MRPL28: variants seen among roughly 807,000 people sequenced by gnomAD.
MRPL28 encodes the protein large ribosomal subunit protein bL28m.
MRPL28 carries 25 observed loss-of-function variants against 26.2 expected under a neutral mutation model. The observed-to-expected ratio is 0.95, with a 90% CI of 0.69 to 1.33. The LOEUF (loss-of-function observed/expected upper bound fraction) is 1.33, where lower values mean the gene tolerates loss of function less well. MRPL28 is among the 40% of genes most tolerant of loss of function. The pLI is 0.00. For synonymous variants in MRPL28, 227 were observed against 140.1 expected (o/e 1.62, Z -4.38); for missense variants, 432 against 327.2 (o/e 1.32, Z -2.47).
At position 369,221 on chromosome 16, in the gene MRPL28, C is replaced by T. The variant is rs1273151529; in HGVS notation, c.289-1G>A. 1 of 1,613,636 alleles carries T rather than the reference C, an allele frequency of 6.2e-7. No individual in the cohort carries two copies. Among genetic ancestry groups the T allele is most frequent in the African/African-American group, 1.3e-5 (1 of 74,926 alleles). ...ACACTTTCTTCAGCCTCTTGGAGAG[C>T]TGAGGGTGCAACAGAGCCTCCATGA... On this transcript the variant is annotated splice_acceptor_variant, in intron 2 of 5. Transcript: ENST00000199706. LOFTEE classifies it high-confidence loss of function.
chr16:369,811 C>T, intron 2 of MRPL28, 120 bp downstream of exon 2: 5 of 1,261,840 alleles, frequency 4.0e-6, no homozygotes, highest in Non-Finnish European at 4.4e-6. Flanking sequence ...GGAGATGTGT[C>T]GCCTCCAGGC....
At position 368,628 on chromosome 16, in the gene MRPL28, T is replaced by C. The variant is rs1388756498; in HGVS notation, c.449A>G (p.Lys150Arg). 8 of 1,556,596 alleles carry C rather than the reference T, an allele frequency of 5.1e-6. No homozygotes were observed. Among genetic ancestry groups the C allele is most frequent in the Non-Finnish European group, 7.0e-6 (8 of 1,148,644 alleles). Residue 150 changes from lysine to arginine, a missense_variant, in exon 4 of 6, where the codon AAG becomes AGG. By Grantham distance (26) the Lys-to-Arg change is conservative. Coordinates refer to ENST00000199706, the MANE Select transcript of MRPL28 (RefSeq NM_006428.5). ...CCCAAACTTGGAGCACAGGTCCTCC[T>C]TCGGGGTCTGGCAGAAGGCTCACAT... ...GLDFYILKTP[K>R]EDLCSKFGMD... is the part of the protein sequence containing the mutation.
chr16:370,148 A>G lies in MRPL28; in HGVS notation c.71T>C (p.Leu24Pro). ...CAGGGAGCGCAGGTAGTGGCCGGGC[A>G]GGCGGGAACAGATGCCCTCCCGCAG... ...LQLREGICSR[L>P]PGHYLRSLEE... The change falls in exon 2 of 6, where the codon CTG (leucine) becomes CCG (proline). Residue 24 changes from leucine to proline, a missense_variant. Physicochemically the swap from Leu to Pro is moderately conservative, Grantham distance 98. Coordinates refer to ENST00000199706, the MANE Select transcript of MRPL28 (RefSeq NM_006428.5). The G allele has an allele frequency of 6.2e-7, 1 of 1,602,806 alleles. No homozygotes were observed. The highest frequency in any genetic ancestry group is 1.7e-5 in the Admixed American group (1 of 58,848).
Position 367,776 on chromosome 16 carries a change from C to T in MRPL28, c.670G>A (p.Val224Ile). The T allele has an allele frequency of 2.5e-6, 4 of 1,613,512 alleles. No individual in the cohort carries two copies. Among genetic ancestry groups the T allele is most frequent in the Non-Finnish European group, 3.4e-6 (4 of 1,179,796 alleles). Reference sequence around the variant, plus strand: ...GCCACATAGATCTTGAACAGGGGTACAGGGTCCTGAAGGAGAGAGGGGCTC... The same window carrying T: ...GCCACATAGATCTTGAACAGGGGTATAGGGTCCTGAAGGAGAGAGGGGCTC... ...KQRLLEEKDPVPLFKIYVAEL... is the reference protein window; with the variant it reads ...KQRLLEEKDPIPLFKIYVAEL... Residue 224 changes from valine to isoleucine, a missense_variant, in exon 6 of 6, where the codon GTA becomes ATA. By Grantham distance (29) the Val-to-Ile change is conservative. Coordinates refer to ENST00000199706, the MANE Select transcript of MRPL28 (RefSeq NM_006428.5).
In MRPL28 at chr16:367,588, C is replaced by T; in HGVS notation, c.*87G>A. On this transcript the variant is annotated 3_prime_UTR_variant, in exon 6 of 6. Transcript: ENST00000199706. ...CCACCCACTGCCCACCGGTGGCCCT[C>T]ACAGCTCCCCGGGATCTGTGTCCTC... The T allele has an allele frequency of 1.6e-6, 2 of 1,261,902 alleles. No homozygotes were observed. Among genetic ancestry groups the T allele is most frequent in the Non-Finnish European group, 2.3e-6 (2 of 877,294 alleles). 78.2% of individuals were successfully genotyped at this position (1,261,902 alleles called of 1,614,324 possible).
Position 367,835 on chromosome 16 carries a change from G to A in MRPL28, c.664-53C>T. On this transcript the variant is annotated intron_variant, in intron 5 of 5. Transcript: ENST00000199706. ...GCCAGGGAAGCCCAGGGCAGCTGGA[G>A]TTCCGACGGGGATGGGATCAGCAGC... The A allele has an allele frequency of 3.4e-6, 5 of 1,489,674 alleles. No individual in the cohort carries two copies. The South Asian group carries it at 5.7e-5, about 17-fold the overall frequency. 92.3% of individuals were successfully genotyped at this position (1,489,674 alleles called of 1,614,324 possible).
intron 3 of MRPL28, 145 bp from the exon 4 acceptor site, chr16:368,780 C>A: frequency 7.7e-7 from 1 of 1,307,168 alleles, no homozygotes; most frequent in Non-Finnish European, 1.0e-6. Context: ...GCACCCCAGC[C>A]TGGGGGGTGG....
chr16:369,089 C>G lies in MRPL28; in HGVS notation c.420G>C (p.Gly140=). The G allele has an allele frequency of 6.2e-7, 1 of 1,613,810 alleles. No individual in the cohort carries two copies. The change falls in exon 3 of 6, where the codon GGG becomes GGC. Residue 140 remains glycine, a synonymous_variant. Transcript: ENST00000199706. ...TTGCCTTGAGGATGTAAAAGTCGAG[C>G]CCATAAGCCTCATCGATGAGGTCCA... ...RTLDLIDEAY[G]LDFYILKTPK...
rs1223173272 is a variant in MRPL28, at chr16:367,714, T to C, written c.732A>G (p.Ser244=). ...CTCTCTTCTGCACCACCGCCGGCTC[T>C]GACAGTGCCTGCTGCTGCAGCTGCT... ...LIQQLQQQAL[S]EPAVVQKRAS... is the part of the protein sequence containing the mutation. Residue 244 remains serine, a synonymous_variant, in exon 6 of 6, where the codon TCA becomes TCG. Coordinates refer to ENST00000199706, the MANE Select transcript of MRPL28 (RefSeq NM_006428.5). 1.2e-6 allele frequency: 2 copies of C among 1,613,900 alleles called. No individual in the cohort carries two copies. The highest frequency in any genetic ancestry group is 2.2e-5 in the South Asian group (2 of 91,092).
At chr16:369,570 GC>G (rs1567319438) in intron 2 of MRPL28, 2 of 616,772 alleles carry the variant, frequency 3.2e-6, no homozygotes, top group African/African-American at 4.8e-5. Flanking sequence ...CAGCAGTCCC[GC>G]CAGGAAGTCC....
chr16:367,590 C>T lies in MRPL28; in HGVS notation c.*85G>A. 7.8e-7 allele frequency: 1 copy of T among 1,280,378 alleles called. No individual in the cohort carries two copies. The allele number at this position is 1,280,378 out of a possible 1,614,324, so 79.3% of individuals were successfully genotyped here. ...ACCCACTGCCCACCGGTGGCCCTCA[C>T]AGCTCCCCGGGATCTGTGTCCTCAG... On this transcript the variant is annotated 3_prime_UTR_variant, in exon 6 of 6. Transcript: ENST00000199706.
In MRPL28 at chr16:369,098, CT is replaced by C; in HGVS notation, c.410del (p.Glu137GlyfsTer25). 6.2e-7 allele frequency: 1 copy of C among 1,613,996 alleles called. No homozygotes were observed. The highest frequency in any genetic ancestry group is 8.5e-7 in the Non-Finnish European group (1 of 1,179,944). On this transcript the variant is annotated frameshift_variant, in exon 3 of 6. Transcript: ENST00000199706. LOFTEE classifies it high-confidence loss of function. ...VTMRTLDLIDEAYGLDFYILK... is the reference protein window; with the variant it reads ...VTMRTLDLIDXAYGLDFYILK... ...GGATGTAAAAGTCGAGCCCATAAGC[CT>C]CATCGATGAGGTCCAGGGTCCGCAT...
Position 369,161 on chromosome 16 carries a change from A to G in MRPL28, c.348T>C (p.Ser116=). Residue 116 remains serine (S), a synonymous_variant, in exon 3 of 6, where the codon AGT becomes AGC. Coordinates refer to ENST00000199706, the MANE Select transcript of MRPL28 (RefSeq NM_006428.5). ...KPQLFEREFY[S]EILDKKFTVT... The stretch of plus-strand genomic sequence containing the variant: ...CTGTGAACTTCTTGTCCAGGATCTC[A>G]CTGTAGAACTCTCGCTCAAACAGCT... 2 of 1,614,008 alleles carry G rather than the reference A, an allele frequency of 1.2e-6. No homozygotes were observed. Among genetic ancestry groups the G allele is most frequent in the Non-Finnish European group, 1.7e-6 (2 of 1,179,944 alleles).
In MRPL28 at chr16:367,552, G is replaced by T; in HGVS notation, c.*123C>A. 1.1e-6 allele frequency: 1 copy of T among 909,074 alleles called. No homozygotes were observed. The highest frequency in any genetic ancestry group is 1.8e-6 in the Non-Finnish European group (1 of 568,524). The allele number at this position is 909,074 out of a possible 1,614,324, so 56.3% of individuals were successfully genotyped here. On this transcript the variant is annotated 3_prime_UTR_variant, in exon 6 of 6. Coordinates refer to ENST00000199706, the MANE Select transcript of MRPL28 (RefSeq NM_006428.5). ...GCTGGAAGGTGCATGGGCAGCACACGAAACCAGGATCCACCCACTGCCCAC... is the reference window on the plus strand; with the variant it reads ...GCTGGAAGGTGCATGGGCAGCACACTAAACCAGGATCCACCCACTGCCCAC...
chr16:368,952 G>A (rs1218915485), intron 3 of MRPL28, 116 bp downstream of exon 3: 9 of 1,317,216 alleles, frequency 6.8e-6, no homozygotes, highest in Non-Finnish European at 8.3e-6. Flanking sequence ...CGCTTTCCCA[G>A]TGACCCTCCT....
chr16:367,296 C>G lies in MRPL28; in HGVS notation c.*379G>C, dbSNP rs1326888225. 1.7e-6 allele frequency: 1 copy of G among 601,738 alleles called. No homozygotes were observed. The highest frequency in any genetic ancestry group is 2.8e-5 in the East Asian group (1 of 35,768). The allele number at this position is 601,738 out of a possible 1,614,324, so 37.3% of individuals were successfully genotyped here. On this transcript the variant is annotated 3_prime_UTR_variant, in exon 6 of 6. Transcript: ENST00000199706. ...GACGGGCACAGCCAGAGTCAATGCC[C>G]ACGGCTCATCCGAGGTCTCAGGGGC... is the stretch of plus-strand genomic sequence containing the variant.
In MRPL28 at chr16:367,529, T is replaced by C; in HGVS notation, c.*146A>G. ...GATCCCTGCCAAGCTGGCCCCGGGCTGGAAGGTGCATGGGCAGCACACGAA... is the reference window on the plus strand; with the variant it reads ...GATCCCTGCCAAGCTGGCCCCGGGCCGGAAGGTGCATGGGCAGCACACGAA... On this transcript the variant is annotated 3_prime_UTR_variant, in exon 6 of 6. Transcript: ENST00000199706. 1 of 784,000 alleles carries C rather than the reference T, an allele frequency of 1.3e-6. No individual in the cohort carries two copies. Among genetic ancestry groups the C allele is most frequent in the Non-Finnish European group, 2.2e-6 (1 of 452,702 alleles). 48.6% of individuals were successfully genotyped at this position (784,000 alleles called of 1,614,324 possible).
rs2054265340 is a variant in MRPL28, at chr16:366,983, G to A, written c.*692C>T. On this transcript the variant is annotated 3_prime_UTR_variant, in exon 6 of 6. Coordinates refer to ENST00000199706, the MANE Select transcript of MRPL28 (RefSeq NM_006428.5). ...AACACTTTGGCAGGTTGAGGCAGGT[G>A]GGTCACCTGAGGTCAGGAGTTCAAG... Among the ~76,000 whole-genome samples, 1 of 152,170 alleles carries A rather than the reference G, an allele frequency of 6.6e-6. No individual in the cohort carries two copies. Among genetic ancestry groups the A allele is most frequent in the Non-Finnish European group, 1.5e-5 (1 of 68,030 alleles).
chr16:369,745 C>T lies in MRPL28; in HGVS notation c.288+186G>A, dbSNP rs887462540. ...CCTGAGTCACCCCACCTCACCCCTA[C>T]TTTATCAGTCCTGTTTGCCAGAACT... On this transcript the variant is annotated intron_variant, in intron 2 of 5. Transcript: ENST00000199706. The T allele has an allele frequency of 4.7e-6, 4 of 846,200 alleles. No individual in the cohort carries two copies. The African/African-American group carries it at 6.8e-5, about 14-fold the overall frequency. The allele number at this position is 846,200 out of a possible 1,614,324, so 52.4% of individuals were successfully genotyped here.
Sources: gnomAD v4.1 joint callset for allele counts (sites outside exome capture counted in the v4.1 genomes callset) on GRCh38, gnomAD v4.1.1 for gene constraint, MANE v1.5 for transcripts, NCBI Gene and HGNC (gene_info 2026-07-23, HGNC 2026-07-21) for gene names.